TNS1: variants seen among roughly 807,000 people sequenced by gnomAD.
TNS1 encodes tensin-1.
Under a neutral mutation model 168.6 loss-of-function variants are expected in TNS1, and 62 were observed. That is an observed-to-expected ratio of 0.37 (90% confidence interval 0.30 to 0.45). TNS1 has a LOEUF of 0.45. TNS1 is among the 20% of genes least tolerant of loss of function. The pLI is 1.00. For synonymous variants in TNS1, 934 were observed against 933.2 expected (o/e 1.00, Z -0.02); for missense variants, 2,240 against 2,339.4 (o/e 0.96, Z 0.88).
chr2:217,813,222 T>G lies in TNS1; in HGVS notation c.4947A>C (p.Pro1649=). ...GGCAGGGGGACAGCTCACCGAAGTT[T>G]GGCTCATTGGGGCAGCCCTTGAGCT... ...GVKLKGCPNE[P]NFGSLSALVY... Residue 1649 remains proline (P), a synonymous_variant, in exon 27 of 33, where the codon CCA becomes CCC. Transcript: ENST00000682258. This position sits in a 1 kb window ranked among gnomAD's most constrained non-coding sequence, Gnocchi z 4.0. The G allele has an allele frequency of 6.2e-7, 1 of 1,602,392 alleles. No individual in the cohort carries two copies. Among genetic ancestry groups the G allele is most frequent in the Non-Finnish European group, 8.5e-7 (1 of 1,173,612 alleles).
chr2:217,975,491 G>C (rs1292939990), intron 3 of TNS1, among the ~76,000 whole-genome samples: 5 of 152,102 alleles, frequency 3.3e-5, no homozygotes, highest in African/African-American at 9.7e-5. Flanking sequence ...GAAGGCATTA[G>C]GAACCAGCCA....
chr2:217,891,121 C>G, intron 11 of TNS1, 76 bp from the exon 12 acceptor site: 3 of 1,431,856 alleles, frequency 2.1e-6, no homozygotes, highest in East Asian at 2.3e-5. Flanking sequence ...CCCCTGCTCC[C>G]TCAGACCTGC....
At position 217,848,881 on chromosome 2, in the gene TNS1, G is replaced by T. The variant is rs1246800292; in HGVS notation, c.1636C>A (p.Pro546Thr). 6.2e-7 allele frequency: 1 copy of T among 1,614,150 alleles called. No homozygotes were observed. Among genetic ancestry groups the T allele is most frequent in the South Asian group, 1.1e-5 (1 of 91,070 alleles). Residue 546 changes from proline to threonine, a missense_variant, in exon 19 of 33, where the codon CCT becomes ACT. Transcript: ENST00000682258. Reference protein sequence around the residue: ...ASTKTDKTDEPVPGASSATAA... With the variant: ...ASTKTDKTDETVPGASSATAA... The stretch of plus-strand genomic sequence containing the variant: ...GTGGCACTGGAGGCCCCGGGGACAG[G>T]CTCGTCGGTCTTGTCGGTCTTGGTG...
chr2:217,898,093 T>A, intron 7 of TNS1, 124 bp from the exon 8 acceptor site: 1 of 1,163,440 alleles, frequency 8.6e-7, no homozygotes, highest in Non-Finnish European at 1.1e-6. Context: ...GCTTGGCTGC[T>A]CTTCAACCCA....
chr2:218,021,446 T>C (rs1341086591), intron 1 of TNS1, among the ~76,000 whole-genome samples: 2 of 152,100 alleles, frequency 1.3e-5, no homozygotes, highest in Admixed American at 6.5e-5. Flanking sequence ...GTAGGAAAGT[T>C]GATGCCCATA....
At chr2:217,983,768 C>T (rs779651432) in intron 2 of TNS1, among the ~76,000 whole-genome samples, 1 of 152,224 alleles carries the variant, frequency 6.6e-6, no homozygotes, top group Admixed American at 6.5e-5. Flanking sequence ...GGCCTGGCCA[C>T]CTGCCTGCTC....
chr2:217,839,778 G>A (rs1357737988), intron 19 of TNS1, among the ~76,000 whole-genome samples: 5 of 152,158 alleles, frequency 3.3e-5, no homozygotes, highest in East Asian at 1.9e-4. Flanking sequence ...CCAGTCTTCC[G>A]ATTTCCAAAA....
rs572330828 is a variant in TNS1, at chr2:217,996,512, A to G, written c.34-5456T>C. ...TTACACACACAAATCCCCCACCCCC[A>G]TGCCCTAGCCATGTTCTTGGCCTGA... On this transcript the variant is annotated intron_variant, in intron 1 of 32. Transcript: ENST00000682258. Among the ~76,000 whole-genome samples, 28 of 151,738 alleles carry G rather than the reference A, an allele frequency of 1.8e-4. No homozygotes were observed. The East Asian group carries it at 3.1e-3, about 17-fold the overall frequency.
intron 3 of TNS1, among the ~76,000 whole-genome samples, chr2:217,973,566 AC>A (rs1246158196): frequency 6.6e-6 from 1 of 151,982 alleles, no homozygotes; most frequent in African/African-American, 2.4e-5. Context: ...CCTGGCTCTG[AC>A]CCAGGCCCCT....
At chr2:217,978,828 A>T (rs1002283664) in intron 2 of TNS1, 26 bp from the exon 3 acceptor site, 1 of 702,088 alleles carries the variant, frequency 1.4e-6, no homozygotes, top group Admixed American at 2.0e-5. Context: ...ACACAGAAAG[A>T]AAGTTTTAGC....
rs201091470 is a variant in TNS1 at position 217,982,184 on chromosome 2, T to C, written c.149-3382A>G. 5.1e-4 allele frequency among the ~76,000 whole-genome samples: 77 copies of C among 152,196 alleles called. No homozygotes were observed. The East Asian group carries it at 7.8e-3, about 15-fold the overall frequency. ...GTGAGGGGCTGAGGCCTCCTGCCAA[T>C]AGCCAGCCCCAGCTTGACAGCATTA... On this transcript the variant is annotated intron_variant, in intron 2 of 32. Transcript: ENST00000682258.
intron 18 of TNS1, among the ~76,000 whole-genome samples, chr2:217,856,850 G>A (rs983190060): frequency 6.6e-6 from 1 of 152,086 alleles, no homozygotes; most frequent in Admixed American, 6.5e-5. Flanking sequence ...AAGTGAACAG[G>A]AGAGAACAAG....
At chr2:217,974,728 C>T (rs1957852027) in intron 3 of TNS1, among the ~76,000 whole-genome samples, 2 of 152,168 alleles carry the variant, frequency 1.3e-5, no homozygotes. Context: ...GCATTTAATC[C>T]TCTGCAACCC....
chr2:217,813,102 G>A lies in TNS1; in HGVS notation c.4954+113C>T, dbSNP rs1941264890. The A allele has an allele frequency of 2.8e-6, 2 of 720,314 alleles. No individual in the cohort carries two copies. Among genetic ancestry groups the A allele is most frequent in the Admixed American group, 2.4e-5 (1 of 42,206 alleles). 44.6% of individuals were successfully genotyped at this position (720,314 alleles called of 1,614,324 possible). ...ATTTTCTCTGCTGAATTTATGACAA[G>A]GGTGACTGGCAGAGCCTGTCAGAAA... On this transcript the variant is annotated intron_variant, in intron 27 of 32. Transcript: ENST00000682258. The surrounding 1 kb of genome is among the most constrained non-coding windows in gnomAD (Gnocchi z 4.0).
In TNS1 at chr2:217,986,256, T is replaced by A. The variant is rs1018572473; in HGVS notation, c.148+4686A>T. On this transcript the variant is annotated intron_variant, in intron 2 of 32. Transcript: ENST00000682258. This position sits in a 1 kb window ranked among gnomAD's most constrained non-coding sequence, Gnocchi z 4.7. The stretch of plus-strand genomic sequence containing the variant: ...CCAGTGAAGTAACAGGGGGAAAGAG[T>A]TCCTAGAAACAAGGTTTCCCCAAAT... Among the ~76,000 whole-genome samples, 6 of 151,928 alleles carry A rather than the reference T, an allele frequency of 3.9e-5. No homozygotes were observed. The highest frequency in any genetic ancestry group is 2.6e-4 in the Admixed American group (4 of 15,270).
Position 217,818,090 on chromosome 2 carries a change from C to T in TNS1, c.4242G>A (p.Val1414=). The T allele has an allele frequency of 6.2e-7, 1 of 1,613,616 alleles. No homozygotes were observed. The highest frequency in any genetic ancestry group is 1.3e-5 in the African/African-American group (1 of 75,070). The part of the protein sequence containing the change: ...LGRHLGGSGS[V]VPGSPCLDRH... ...GGTCCAAGCAGGGGCTGCCGGGAACCACAGATCCAGACCCTCCGAGGTGAC... is the reference window on the plus strand; with the variant it reads ...GGTCCAAGCAGGGGCTGCCGGGAACTACAGATCCAGACCCTCCGAGGTGAC... Residue 1414 remains valine (V), a synonymous_variant, in exon 24 of 33, where the codon GTG becomes GTA. Coordinates refer to ENST00000682258, the MANE Select transcript of TNS1 (RefSeq NM_001387777.1).
chr2:217,967,349 A>C (rs1274508489), intron 3 of TNS1, among the ~76,000 whole-genome samples: 1 of 152,066 alleles, frequency 6.6e-6, no homozygotes, highest in South Asian at 2.1e-4. Flanking sequence ...AAATAAAAAT[A>C]AAAAATAAAC....
chr2:217,905,475 C>T (rs1000271001), intron 6 of TNS1: 2 of 351,044 alleles, frequency 5.7e-6, no homozygotes, highest in Admixed American at 3.6e-5. Context: ...GGAACTGCCC[C>T]TCCTGCTCCC....
intron 31 of TNS1, 106 bp from the exon 32 acceptor site, chr2:217,808,213 CCCCCCA>C (rs1426664836): frequency 1.7e-5 from 22 of 1,311,366 alleles, no homozygotes; most frequent in Non-Finnish European, 2.1e-5. Context: ...AGAGGAGCTG[CCCCCCA>C]TTCCCCCCTC....
Sources: allele counts gnomAD v4.1 joint callset (sites outside exome capture counted in the v4.1 genomes callset), GRCh38; gene constraint gnomAD v4.1.1; non-coding constraint Gnocchi (gnomAD v3.1); transcripts MANE v1.5; gene names NCBI Gene and HGNC (gene_info 2026-07-23, HGNC 2026-07-21).